The following PKIB variants were observed in gnomAD, a reference collection of about 807,000 sequenced individuals.
The protein encoded by PKIB is PKI-beta.
In PKIB, 2 loss-of-function variants were observed where a neutral mutation model predicts 4.5. That is an observed-to-expected ratio of 0.44 (90% CI 0.18 to 1.39). The LOEUF (loss-of-function observed/expected upper bound fraction) is 1.39. Among genes scored for constraint, PKIB ranks in the 40% most tolerant of loss-of-function variants. The probability of loss-of-function intolerance (pLI) is 0.27; values close to 1 mark genes in which losing one functional copy is unlikely to be tolerated. For synonymous variants in PKIB, 38 were observed against 36.0 expected (o/e 1.06, Z -0.20); for missense variants, 94 against 92.6 (o/e 1.02, Z -0.06).
intron 2 of PKIB, among the ~76,000 whole-genome samples, chr6:122,503,330 T>G (rs1321720623): frequency 6.6e-6 from 1 of 152,242 alleles, no homozygotes; most frequent in Admixed American, 6.5e-5. Flanking sequence ...TTATGCCTAA[T>G]AATTGGCTTA....
intron 2 of PKIB, among the ~76,000 whole-genome samples, chr6:122,559,079 T>G (rs1408442349): frequency 6.6e-6 from 1 of 152,152 alleles, no homozygotes; most frequent in Non-Finnish European, 1.5e-5. Context: ...ATGCTGTTAA[T>G]TCATTCCTTT....
chr6:122,685,055 T>A (rs1215571414), intron 3 of PKIB, among the ~76,000 whole-genome samples: 4 of 152,106 alleles, frequency 2.6e-5, no homozygotes, highest in Non-Finnish European at 4.4e-5. Flanking sequence ...CTTCTCAGAT[T>A]ATTGAAAATG....
chr6:122,550,134 C>CT (rs1267464811), intron 2 of PKIB, among the ~76,000 whole-genome samples: 22 of 152,128 alleles, frequency 1.4e-4, no homozygotes, highest in Non-Finnish European at 2.6e-4. Flanking sequence ...AGACTGGTCT[C>CT]TAACTCCTGA....
intron 2 of PKIB, among the ~76,000 whole-genome samples, chr6:122,563,951 C>T (rs1317181706): frequency 6.6e-6 from 1 of 152,164 alleles, no homozygotes; most frequent in Non-Finnish European, 1.5e-5. Flanking sequence ...GCACACCTTC[C>T]CCCAAGTTCT....
intron 1 of PKIB, among the ~76,000 whole-genome samples, chr6:122,626,774 A>G (rs1775461331): frequency 1.3e-5 from 2 of 152,204 alleles, no homozygotes; most frequent in Non-Finnish European, 2.9e-5. Flanking sequence ...CACTCAGTAA[A>G]TATTGTTTTT....
chr6:122,486,749 A>G (rs1775777680), intron 2 of PKIB, among the ~76,000 whole-genome samples: 1 of 152,152 alleles, frequency 6.6e-6, no homozygotes, highest in Non-Finnish European at 1.5e-5. Context: ...GTATTTGATC[A>G]CAGTTTGAAT....
intron 2 of PKIB, among the ~76,000 whole-genome samples, chr6:122,498,767 T>G (rs1215050265): frequency 2.0e-5 from 3 of 152,074 alleles, no homozygotes; most frequent in South Asian, 4.1e-4. Context: ...AAGGGATCAA[T>G]GAAATATAAA....
chr6:122,502,709 C>A (rs1776279013), intron 2 of PKIB, among the ~76,000 whole-genome samples: 1 of 152,146 alleles, frequency 6.6e-6, no homozygotes, highest in Non-Finnish European at 1.5e-5. Flanking sequence ...TAAACCACAT[C>A]ATGTGTCAAA....
chr6:122,480,926 T>C (rs1775593785), intron 2 of PKIB: 2 of 151,882 alleles, frequency 1.3e-5, no homozygotes, highest in African/African-American at 4.8e-5. Context: ...AATAATCTTT[T>C]GTTCTTTTTA....
chr6:122,629,142 G>A (rs1775585552), intron 1 of PKIB, among the ~76,000 whole-genome samples: 3 of 152,150 alleles, frequency 2.0e-5, no homozygotes, highest in African/African-American at 7.2e-5. Flanking sequence ...CATTACAACT[G>A]CTTCATAATA....
intron 2 of PKIB, among the ~76,000 whole-genome samples, chr6:122,511,161 T>G (rs1449685582): frequency 1.3e-5 from 2 of 152,200 alleles, no homozygotes; most frequent in African/African-American, 4.8e-5. Flanking sequence ...ATGACCAAAC[T>G]GACCAAACAG....
intron 2 of PKIB, among the ~76,000 whole-genome samples, chr6:122,638,956 T>A (rs1776028593): frequency 6.6e-6 from 1 of 152,188 alleles, no homozygotes; most frequent in African/African-American, 2.4e-5. Flanking sequence ...CATTGATTTT[T>A]AAACATGTAT....
chr6:122,692,846 G>A (rs957743995), intron 3 of PKIB, among the ~76,000 whole-genome samples: 1 of 152,184 alleles, frequency 6.6e-6, no homozygotes, highest in Non-Finnish European at 1.5e-5. Flanking sequence ...ATACATCAAA[G>A]AAACATTATG....
At chr6:122,700,145 T>TTG (rs1778742461) in intron 3 of PKIB, among the ~76,000 whole-genome samples, 2 of 147,124 alleles carry the variant, frequency 1.4e-5, no homozygotes, top group African/African-American at 5.0e-5. Context: ...TTGGGTCAAA[T>TTG]TGTAGATCTT....
chr6:122,543,128 T>C (rs1276270189), intron 2 of PKIB, among the ~76,000 whole-genome samples: 1 of 152,054 alleles, frequency 6.6e-6, no homozygotes, highest in Middle Eastern at 3.2e-3. Flanking sequence ...CCCCTTTCTT[T>C]GACTAGGAAA....
chr6:122,540,065 C>T (rs1448024570), intron 2 of PKIB, among the ~76,000 whole-genome samples: 4 of 151,834 alleles, frequency 2.6e-5, no homozygotes, highest in Non-Finnish European at 5.9e-5. Flanking sequence ...TTTGATTCTT[C>T]TCTCTTTTAT....
intron 2 of PKIB, among the ~76,000 whole-genome samples, chr6:122,565,367 G>C (rs1351458157): frequency 2.6e-5 from 4 of 151,920 alleles, no homozygotes; most frequent in Non-Finnish European, 4.4e-5. Flanking sequence ...ACTTTTTCTT[G>C]GGGTAAAGAT....
chr6:122,587,776 A>G (rs986348323), intron 3 of PKIB, among the ~76,000 whole-genome samples: 3 of 152,194 alleles, frequency 2.0e-5, no homozygotes, highest in African/African-American at 2.4e-5. Flanking sequence ...TCTGATGGCC[A>G]GTGATGATGA....
intron 2 of PKIB, among the ~76,000 whole-genome samples, chr6:122,518,452 G>C (rs776090688): frequency 4.6e-5 from 7 of 152,022 alleles, no homozygotes; most frequent in Non-Finnish European, 1.0e-4. Flanking sequence ...AAGTGTGTTG[G>C]GGAAGATTTC....
Sources: gnomAD v4.1 joint callset for allele counts (sites outside exome capture counted in the v4.1 genomes callset) on GRCh38, gnomAD v4.1.1 for gene constraint, MANE v1.5 for transcripts, NCBI Gene and HGNC (gene_info 2026-07-23, HGNC 2026-07-21) for gene names.